SEC22A: variants seen among roughly 807,000 people sequenced by gnomAD.
SEC22A encodes the protein vesicle-trafficking protein SEC22a.
SEC22A carries 22 observed loss-of-function variants against 35.3 expected under a neutral mutation model. That is an observed-to-expected ratio of 0.62 (90% CI 0.45 to 0.89). The LOEUF is 0.89. Ranked by LOEUF, SEC22A falls within the 40% of genes least tolerant of loss-of-function variation. The pLI is 0.00. For synonymous variants in SEC22A, 119 were observed against 129.5 expected, an observed-to-expected ratio of 0.92 and a Z score of 0.55; for missense variants, 354 against 362.5, an observed-to-expected ratio of 0.98 and a Z score of 0.19.
At chr3:123,226,108 A>G (rs1937214442) in intron 4 of SEC22A, among the ~76,000 whole-genome samples, 2 of 152,200 alleles carry the variant, frequency 1.3e-5, no homozygotes, top group African/African-American at 4.8e-5. Flanking sequence ...GATGATGGGC[A>G]CTTAGGTTGC....
intron 1 of SEC22A, among the ~76,000 whole-genome samples, chr3:123,206,696 G>GA (rs1346508079): frequency 1.3e-5 from 2 of 151,814 alleles, no homozygotes; most frequent in South Asian, 2.1e-4. Context: ...TAGATGAATG[G>GA]AAAAAAACAC....
chr3:123,267,941 G>A (rs1204424871), intron 6 of SEC22A, among the ~76,000 whole-genome samples: 2 of 152,198 alleles, frequency 1.3e-5, no homozygotes, highest in African/African-American at 2.4e-5. Context: ...TCTTGTTACC[G>A]ATGAGAAATG....
At chr3:123,240,692 A>C (rs1937512031) in intron 4 of SEC22A, among the ~76,000 whole-genome samples, 3 of 152,192 alleles carry the variant, frequency 2.0e-5, no homozygotes, top group Non-Finnish European at 2.9e-5. Flanking sequence ...AGAAACTGCC[A>C]GTTTTCTGAA....
chr3:123,234,033 AC>A (rs1296288658), intron 4 of SEC22A, among the ~76,000 whole-genome samples: 1 of 152,264 alleles, frequency 6.6e-6, no homozygotes, highest in Non-Finnish European at 1.5e-5. Flanking sequence ...AATATAAAAA[AC>A]AATTGTATTC....
intron 6 of SEC22A, among the ~76,000 whole-genome samples, chr3:123,264,838 G>T (rs1356521283): frequency 6.6e-6 from 1 of 151,040 alleles, no homozygotes; most frequent in Non-Finnish European, 1.5e-5. Flanking sequence ...GTAGAGATGG[G>T]GTTTCACCAT....
At chr3:123,236,825 A>G (rs1412029179) in intron 4 of SEC22A, among the ~76,000 whole-genome samples, 1 of 152,066 alleles carries the variant, frequency 6.6e-6, no homozygotes, top group Admixed American at 6.6e-5. Context: ...ACACACACAC[A>G]CACGCACACA....
chr3:123,259,641 G>T (rs778381081), intron 6 of SEC22A, 52 bp downstream of exon 6: 15 of 1,193,668 alleles, frequency 1.3e-5, no homozygotes, highest in African/African-American at 1.2e-4. Flanking sequence ...TTTACTTCGG[G>T]TATCAGTTCT....
intron 2 of SEC22A, among the ~76,000 whole-genome samples, chr3:123,216,266 A>G (rs1937021133): frequency 6.6e-6 from 1 of 152,200 alleles, no homozygotes. Context: ...TTATCTAAAA[A>G]AGTCAGGATC....
chr3:123,223,941 T>G (rs1195540020), intron 3 of SEC22A, among the ~76,000 whole-genome samples: 1 of 152,214 alleles, frequency 6.6e-6, no homozygotes, highest in Non-Finnish European at 1.5e-5. Context: ...GTCCGAAGAA[T>G]TAATGCCAGA....
chr3:123,271,882 T>C lies in SEC22A; in HGVS notation c.*160T>C. On this transcript the variant is annotated 3_prime_UTR_variant, in exon 7 of 7. Transcript: ENST00000492595. ...AATCAGCATGATGTGCCTGTGAGCA[T>C]GGAAGAGTCCTCTCAGAAGAATGTT... 4 of 595,336 alleles carry C rather than the reference T, an allele frequency of 6.7e-6. No individual in the cohort carries two copies. The Admixed American group carries it at 1.3e-4, about 19-fold the overall frequency. The allele number at this position is 595,336 out of a possible 1,614,324, so 36.9% of individuals were successfully genotyped here.
At chr3:123,259,656 A>G (rs1040404423) in intron 6 of SEC22A, 67 bp downstream of exon 6, 9 of 1,049,478 alleles carry the variant, frequency 8.6e-6, no homozygotes, top group African/African-American at 4.8e-5. Flanking sequence ...AGTTCTAACA[A>G]TTGTGCATTT....
At chr3:123,252,582 T>A (rs900486604) in intron 5 of SEC22A, among the ~76,000 whole-genome samples, 1 of 152,188 alleles carries the variant, frequency 6.6e-6, no homozygotes, top group Non-Finnish European at 1.5e-5. Flanking sequence ...ACATTAAAGC[T>A]TACTTTTTTA....
At chr3:123,266,441 G>T (rs1938028439) in intron 6 of SEC22A, among the ~76,000 whole-genome samples, 1 of 151,896 alleles carries the variant, frequency 6.6e-6, no homozygotes, top group African/African-American at 2.4e-5. Flanking sequence ...TTCCGTCTTA[G>T]CACTTCTTTA....
intron 4 of SEC22A, among the ~76,000 whole-genome samples, chr3:123,240,734 A>G (rs541885236): frequency 5.8e-4 from 89 of 152,262 alleles, no homozygotes; most frequent in African/African-American, 2.0e-3. Context: ...CCCAACAAGC[A>G]ATTTGTGAGC....
chr3:123,270,894 T>G (rs1012403125), intron 6 of SEC22A, among the ~76,000 whole-genome samples: 1 of 152,222 alleles, frequency 6.6e-6, no homozygotes, highest in African/African-American at 2.4e-5. Context: ...ACATTTATAA[T>G]TCTTCCCCAT....
chr3:123,221,793 G>A (rs1937128926), intron 2 of SEC22A, among the ~76,000 whole-genome samples: 1 of 151,988 alleles, frequency 6.6e-6, no homozygotes, highest in South Asian at 2.1e-4. Flanking sequence ...TTACAGAAAA[G>A]TTGTATGAAT....
intron 5 of SEC22A, among the ~76,000 whole-genome samples, chr3:123,254,737 C>CT (rs148649036): frequency 5.1e-4 from 78 of 151,626 alleles, no homozygotes; most frequent in South Asian, 1.3e-3. Context: ...CTTTTCTTTT[C>CT]TTTTTTTTTA....
chr3:123,245,486 G>A (rs1215332529), intron 4 of SEC22A, among the ~76,000 whole-genome samples: 1 of 152,038 alleles, frequency 6.6e-6, no homozygotes, highest in South Asian at 2.1e-4. Context: ...CTTGAGGCCG[G>A]GAGTTCAAGA....
intron 5 of SEC22A, among the ~76,000 whole-genome samples, chr3:123,257,592 G>A (rs1937761870): frequency 6.6e-6 from 1 of 151,992 alleles, no homozygotes; most frequent in Admixed American, 6.6e-5. Context: ...CCAGCTACTT[G>A]GGAGGCTGAG....
Sources: allele counts gnomAD v4.1 joint callset (sites outside exome capture counted in the v4.1 genomes callset), GRCh38; gene constraint gnomAD v4.1.1; transcripts MANE v1.5; gene names NCBI Gene and HGNC (gene_info 2026-07-23, HGNC 2026-07-21).